The following TEC variants were observed in gnomAD, a reference collection of about 807,000 sequenced individuals.
The protein encoded by TEC is tec protein tyrosine kinase, also known as tyrosine-protein kinase Tec.
TEC carries 72 observed loss-of-function variants against 93.0 expected under a neutral mutation model. That is an observed-to-expected ratio of 0.77 (90% CI 0.64 to 0.94). The LOEUF (loss-of-function observed/expected upper bound fraction) is 0.94, where lower values mean the gene tolerates loss of function less well. Ranked by LOEUF, TEC falls within the 40% of genes least tolerant of loss-of-function variation. TEC has a pLI of 0.00. For synonymous variants in TEC, 249 were observed against 247.7 expected, an observed-to-expected ratio of 1.01 and a Z score of -0.05; for missense variants, 630 against 757.9, an observed-to-expected ratio of 0.83 and a Z score of 1.98.
Position 48,168,592 on chromosome 4 carries a change from TGTTTCTG to T in TEC, c.482_488del (p.Pro161GlnfsTer12). The T allele has an allele frequency of 2.5e-6, 4 of 1,608,622 alleles. No individual in the cohort carries two copies. Among genetic ancestry groups the T allele is most frequent in the Non-Finnish European group, 3.4e-6 (4 of 1,178,698 alleles). ...AAAGCTAAAGACCACCTACCTTCTT[TGTTTCTG>T]GTGCTGGAGGTAGTGCTTTTCTTAT... On this transcript the variant is annotated frameshift_variant, in exon 6 of 18. Transcript: ENST00000381501. LOFTEE classifies it high-confidence loss of function.
chr4:48,209,245 C>T (rs543105825), intron 2 of TEC, among the ~76,000 whole-genome samples: 1 of 151,982 alleles, frequency 6.6e-6, no homozygotes, highest in South Asian at 2.1e-4. Context: ...TAGAAAATAA[C>T]CCTTCCATAA....
chr4:48,175,980 A>T lies in TEC; in HGVS notation c.243+102T>A, dbSNP rs575067186. On this transcript the variant is annotated intron_variant, in intron 3 of 17. Coordinates refer to ENST00000381501, the MANE Select transcript of TEC (RefSeq NM_003215.3). ...TCACAACTATTAAAGTGGCAAATGA[A>T]CCTACAAATCAGCCAGCAAAGCAAG... 4.9e-6 allele frequency: 4 copies of T among 811,768 alleles called. No individual in the cohort carries two copies. In the African/African-American group the frequency reaches 7.3e-5, roughly 15 times the overall value. The allele number at this position is 811,768 out of a possible 1,614,324, so 50.3% of individuals were successfully genotyped here.
At chr4:48,141,685 C>CT (rs377475900) in intron 14 of TEC, 58,386 of 202,816 alleles carry the variant, frequency 0.29, 7,669 homozygotes, top group Admixed American at 0.37. Flanking sequence ...TCTTTTCTTT[C>CT]TTTTTTTTTT....
chr4:48,172,579 T>C (rs1322884581), intron 3 of TEC, among the ~76,000 whole-genome samples: 1 of 151,988 alleles, frequency 6.6e-6, no homozygotes, highest in Non-Finnish European at 1.5e-5. Context: ...GGATTACAGG[T>C]GTGAGAGCCA....
intron 2 of TEC, among the ~76,000 whole-genome samples, chr4:48,195,367 A>C (rs1399070591): frequency 6.6e-6 from 1 of 152,068 alleles, no homozygotes; most frequent in Non-Finnish European, 1.5e-5. Context: ...TTTTTTGAGA[A>C]TAGAAAAAGA....
At chr4:48,179,338 GTATATA>G (rs61241595) in intron 2 of TEC, among the ~76,000 whole-genome samples, 2,055 of 51,392 alleles carry the variant, frequency 0.04, 77 homozygotes, top group Admixed American at 0.051. Flanking sequence ...GACGTGGGTA[GTATATA>G]TATATATATA....
At chr4:48,182,621 T>C (rs1268439656) in intron 2 of TEC, among the ~76,000 whole-genome samples, 1 of 151,754 alleles carries the variant, frequency 6.6e-6, no homozygotes, top group Non-Finnish European at 1.5e-5. Flanking sequence ...GCAATGACCA[T>C]TTTATATATT....
chr4:48,156,731 C>T lies in TEC; in HGVS notation c.741G>A (p.Trp247Ter). ...KKSNNLDQYE[W>*]YCRNMNRSKA... The stretch of plus-strand genomic sequence containing the variant: ...TGCTTCTATTCATATTTCTGCAATA[C>T]CATCTGAACAGAAAAAACAATACAT... The change falls in exon 9 of 18, where the codon TGG (tryptophan) becomes TGA (stop). Residue 247 changes from tryptophan to a stop codon, truncating the protein, a stop_gained. Transcript: ENST00000381501. LOFTEE classifies it high-confidence loss of function. 1 of 1,607,496 alleles carries T rather than the reference C, an allele frequency of 6.2e-7. No homozygotes were observed. The highest frequency in any genetic ancestry group is 8.5e-7 in the Non-Finnish European group (1 of 1,177,908).
chr4:48,173,945 G>A (rs1721221244), intron 3 of TEC, among the ~76,000 whole-genome samples: 1 of 152,132 alleles, frequency 6.6e-6, no homozygotes. Flanking sequence ...TTTTGAAAAT[G>A]TCTACTTCTA....
chr4:48,206,601 A>G (rs73246003), intron 2 of TEC, among the ~76,000 whole-genome samples: 1 of 152,080 alleles, frequency 6.6e-6, no homozygotes, highest in East Asian at 1.9e-4. Flanking sequence ...AATATAGTGA[A>G]ATACCACTAC....
At chr4:48,162,517 C>T (rs1327030636) in intron 8 of TEC, among the ~76,000 whole-genome samples, 1 of 152,130 alleles carries the variant, frequency 6.6e-6, no homozygotes, top group Non-Finnish European at 1.5e-5. Flanking sequence ...AAAACCAGGC[C>T]CAAGTTTTCA....
At chr4:48,178,766 A>G (rs780393803) in intron 2 of TEC, among the ~76,000 whole-genome samples, 1 of 152,172 alleles carries the variant, frequency 6.6e-6, no homozygotes, top group Admixed American at 6.5e-5. Flanking sequence ...CTACAGACGC[A>G]TTCAGGGCTC....
intron 1 of TEC, among the ~76,000 whole-genome samples, 193 bp downstream of exon 1, chr4:48,269,559 C>G (rs912430628): frequency 2.0e-5 from 3 of 152,256 alleles, no homozygotes; most frequent in African/African-American, 7.2e-5. Flanking sequence ...CCTGTCCCTC[C>G]TTCCCGGACC....
At chr4:48,253,145 G>A (rs1724250655) in intron 1 of TEC, among the ~76,000 whole-genome samples, 1 of 152,152 alleles carries the variant, frequency 6.6e-6, no homozygotes, top group African/African-American at 2.4e-5. Flanking sequence ...CTTACATAAT[G>A]TAAGTCATTT....
At chr4:48,229,705 G>C (rs1577658570) in intron 1 of TEC, among the ~76,000 whole-genome samples, 1 of 152,088 alleles carries the variant, frequency 6.6e-6, no homozygotes, top group East Asian at 1.9e-4. Flanking sequence ...GAACCTGGGA[G>C]GTGGAGCGTG....
chr4:48,160,987 C>T (rs1720635363), intron 8 of TEC, among the ~76,000 whole-genome samples: 1 of 151,452 alleles, frequency 6.6e-6, no homozygotes, highest in Non-Finnish European at 1.5e-5. Context: ...GAAATTAGGC[C>T]CTGAATTTGT....
intron 1 of TEC, among the ~76,000 whole-genome samples, chr4:48,267,481 T>C (rs1274926795): frequency 1.3e-5 from 2 of 152,232 alleles, no homozygotes; most frequent in Non-Finnish European, 2.9e-5. Flanking sequence ...CACAAACCTT[T>C]TATAATAGCA....
intron 1 of TEC, among the ~76,000 whole-genome samples, chr4:48,265,448 T>TATATACAC (rs1194715256): frequency 2.5e-4 from 4 of 15,750 alleles, no homozygotes; most frequent in Middle Eastern, 0.12. Context: ...TATATACGTA[T>TATATACAC]ATATATACAT....
chr4:48,257,986 G>C (rs1271949913), intron 1 of TEC, among the ~76,000 whole-genome samples: 2 of 152,172 alleles, frequency 1.3e-5, no homozygotes, highest in Non-Finnish European at 2.9e-5. Flanking sequence ...TGAATTATTT[G>C]TGCCAACAGC....
Sources: allele counts gnomAD v4.1 joint callset (sites outside exome capture counted in the v4.1 genomes callset), GRCh38; gene constraint gnomAD v4.1.1; transcripts MANE v1.5; gene names NCBI Gene and HGNC (gene_info 2026-07-23, HGNC 2026-07-21).